Variants in SUGCT observed in about 807,000 individuals in gnomAD.
SUGCT encodes the protein succinyl-CoA:glutarate CoA-transferase.
In SUGCT, 41 loss-of-function variants were observed where a neutral mutation model predicts 55.0. That is an observed-to-expected ratio of 0.74 (90% CI 0.58 to 0.97). The LOEUF (loss-of-function observed/expected upper bound fraction) is 0.97, where lower values mean the gene tolerates loss of function less well. Ranked by LOEUF, SUGCT falls within the 50% of genes least tolerant of loss-of-function variation. The pLI, the probability that SUGCT is intolerant of heterozygous loss-of-function variation, is 0.00. For missense variants in SUGCT, 568 were observed against 547.8 expected, an observed-to-expected ratio of 1.04 and a Z score of -0.37; for synonymous variants, 187 against 200.4, an observed-to-expected ratio of 0.93 and a Z score of 0.56.
intron 13 of SUGCT, among the ~76,000 whole-genome samples, chr7:40,834,983 C>A (rs1303403356): frequency 6.6e-6 from 1 of 151,914 alleles, no homozygotes; most frequent in African/African-American, 2.4e-5. Context: ...AAAATTGGGA[C>A]TTTTTAGTGT....
At chr7:40,843,754 T>C (rs578081822) in intron 13 of SUGCT, among the ~76,000 whole-genome samples, 17 of 151,032 alleles carry the variant, frequency 1.1e-4, no homozygotes, top group African/African-American at 4.1e-4. Flanking sequence ...GGAAGAGGAG[T>C]GGATTATGTA....
At chr7:41,005,721 C>A in the SUGCT span, among the ~76,000 whole-genome samples, 8 of 152,242 alleles carry the variant, frequency 5.3e-5, no homozygotes, top group East Asian at 1.5e-3. Flanking sequence ...CTTATAAGGA[C>A]CTATGTGAAG....
At chr7:40,679,370 ACAGATGAC>A (rs141227226) in intron 12 of SUGCT, among the ~76,000 whole-genome samples, 13,783 of 152,112 alleles carry the variant, frequency 0.091, 828 homozygotes, top group East Asian at 0.26. Context: ...CCTGATAAGA[ACAGATGAC>A]CAGCTCAAAG....
chr7:40,819,089 C>T (rs545922152), intron 13 of SUGCT, among the ~76,000 whole-genome samples: 3 of 150,344 alleles, frequency 2.0e-5, no homozygotes, highest in Non-Finnish European at 4.4e-5. Flanking sequence ...GACATGAAAT[C>T]CTTTTTTATG....
chr7:40,567,900 T>C (rs1013512387), intron 12 of SUGCT, among the ~76,000 whole-genome samples: 4 of 152,226 alleles, frequency 2.6e-5, no homozygotes, highest in South Asian at 2.1e-4. Context: ...GTTGCTGTTA[T>C]GTGGAATCTC....
intron 13 of SUGCT, among the ~76,000 whole-genome samples, chr7:40,792,268 G>A (rs1790349970): frequency 6.6e-6 from 1 of 152,116 alleles, no homozygotes; most frequent in South Asian, 2.1e-4. Flanking sequence ...TTACTCTAAA[G>A]CAGGGTACAG....
At chr7:40,312,955 C>T (rs1282976580) in intron 8 of SUGCT, among the ~76,000 whole-genome samples, 2 of 152,138 alleles carry the variant, frequency 1.3e-5, no homozygotes, top group Admixed American at 1.3e-4. Context: ...ATTATTGCAG[C>T]TTGATCCTCA....
intron 7 of SUGCT, among the ~76,000 whole-genome samples, chr7:40,242,283 C>A (rs577578127): frequency 1.3e-5 from 2 of 151,990 alleles, no homozygotes; most frequent in East Asian, 3.9e-4. Flanking sequence ...AAGTGATTCT[C>A]CTGCCTTAGC....
chr7:40,412,544 T>A (rs1197518989), intron 9 of SUGCT, among the ~76,000 whole-genome samples: 1 of 152,222 alleles, frequency 6.6e-6, no homozygotes, highest in Non-Finnish European at 1.5e-5. Flanking sequence ...TTTTGTTTTG[T>A]CGAATTTGTT....
chr7:40,997,987 G>C, the SUGCT span, among the ~76,000 whole-genome samples: 1 of 152,132 alleles, frequency 6.6e-6, no homozygotes, highest in Non-Finnish European at 1.5e-5. Context: ...AAATCTCTCA[G>C]TGGTCCTGGA....
chr7:40,357,686 T>C (rs75080678), intron 9 of SUGCT, among the ~76,000 whole-genome samples: 1,551 of 152,348 alleles, frequency 0.01, 12 homozygotes, highest in Non-Finnish European at 0.015. Context: ...TTTTCATGTA[T>C]CATGAGATAT....
intron 9 of SUGCT, among the ~76,000 whole-genome samples, chr7:40,350,709 G>A (rs1243929473): frequency 6.6e-6 from 1 of 151,936 alleles, no homozygotes; most frequent in South Asian, 2.1e-4. Flanking sequence ...TGTTACATAG[G>A]TATACAGGTG....
At chr7:40,443,868 A>G (rs1788658614) in intron 9 of SUGCT, among the ~76,000 whole-genome samples, 1 of 152,196 alleles carries the variant, frequency 6.6e-6, no homozygotes, top group South Asian at 2.1e-4. Context: ...CTAACATTTA[A>G]GTCTTTAATC....
the SUGCT span, among the ~76,000 whole-genome samples, chr7:40,896,244 G>A: frequency 6.6e-6 from 1 of 151,970 alleles, no homozygotes; most frequent in East Asian, 1.9e-4. Flanking sequence ...ATTTATGACA[G>A]CATTAAAAAT....
At chr7:40,930,063 T>G in the SUGCT span, among the ~76,000 whole-genome samples, 1 of 152,190 alleles carries the variant, frequency 6.6e-6, no homozygotes, top group African/African-American at 2.4e-5. Context: ...GGTCTAACAT[T>G]TAAGTCTTTA....
At chr7:40,217,878 A>C (rs115274457) in intron 6 of SUGCT, among the ~76,000 whole-genome samples, 14 of 152,120 alleles carry the variant, frequency 9.2e-5, no homozygotes, top group African/African-American at 3.4e-4. Flanking sequence ...TTGGTCATCC[A>C]TGGTTGGGGA....
chr7:40,168,134 C>T (rs1784504780), intron 1 of SUGCT, among the ~76,000 whole-genome samples: 1 of 152,168 alleles, frequency 6.6e-6, no homozygotes, highest in South Asian at 2.1e-4. Flanking sequence ...GAGTTAGAAG[C>T]CCCGTGTTTA....
chr7:40,377,194 C>CTTT (rs1240336957), intron 9 of SUGCT, among the ~76,000 whole-genome samples: 1 of 7,566 alleles, frequency 1.3e-4, no homozygotes, highest in Non-Finnish European at 1.5e-3. Flanking sequence ...TTCTTTCTTT[C>CTTT]TTTCTTTTCT....
intron 13 of SUGCT, among the ~76,000 whole-genome samples, chr7:40,817,192 T>C (rs1393420001): frequency 1.3e-5 from 2 of 152,226 alleles, no homozygotes; most frequent in African/African-American, 4.8e-5. Flanking sequence ...TAAGTACCTA[T>C]AGTTGGCCAG....
Sources: allele counts gnomAD v4.1 joint callset (sites outside exome capture counted in the v4.1 genomes callset), GRCh38; gene constraint gnomAD v4.1.1; transcripts MANE v1.5; gene names NCBI Gene and HGNC (gene_info 2026-07-23, HGNC 2026-07-21).